Variants in ZNF558 observed in about 807,000 individuals in gnomAD.
ZNF558 encodes zinc finger protein 558.
ZNF558 carries 23 observed loss-of-function variants against 37.6 expected under a neutral mutation model. That is an observed-to-expected ratio of 0.61 (90% CI 0.44 to 0.87). The LOEUF is 0.87. ZNF558 is among the 40% of genes least tolerant of loss of function. The pLI is 0.00. For missense variants in ZNF558, 429 were observed against 483.7 expected (o/e 0.89, Z 1.06); for synonymous variants, 189 against 174.4 (o/e 1.08, Z -0.66).
rs2043737209 is a variant in ZNF558 at position 8,809,678 on chromosome 19, A to C, written c.*1603T>G. The C allele has an allele frequency of 6.6e-6, 1 of 152,254 alleles. No individual in the cohort carries two copies. Among genetic ancestry groups the C allele is most frequent in the Non-Finnish European group, 1.5e-5 (1 of 68,046 alleles). The allele number at this position is 152,254 out of a possible 1,614,324, so 9.4% of individuals were successfully genotyped here. On this transcript the variant is annotated 3_prime_UTR_variant, in exon 10 of 10. Coordinates refer to ENST00000601372, the MANE Select transcript of ZNF558 (RefSeq NM_144693.3). The stretch of plus-strand genomic sequence containing the variant: ...CAATGTGTGGATGTCTTTAACAAGC[A>C]AATTAATTATAATAAATACATTGCA...
intron 7 of ZNF558, among the ~76,000 whole-genome samples, chr19:8,816,064 AC>A (rs2043930788): frequency 6.6e-6 from 1 of 151,884 alleles, no homozygotes; most frequent in Admixed American, 6.6e-5. Flanking sequence ...AAACACACAC[AC>A]ACACACACAC....
intron 7 of ZNF558, among the ~76,000 whole-genome samples, chr19:8,815,823 G>T (rs1010726691): frequency 1.3e-5 from 2 of 151,598 alleles, no homozygotes; most frequent in African/African-American, 4.9e-5. Flanking sequence ...GAGAGAGAAT[G>T]TGAGTTTTAA....
chr19:8,831,058 G>A (rs2044340911), intron 2 of ZNF558: 1 of 152,152 alleles, frequency 6.6e-6, no homozygotes, highest in Non-Finnish European at 1.5e-5. Context: ...CAGAAAATCT[G>A]TCTTTAGCTA....
At chr19:8,835,201 A>G (rs886639846), upstream of ZNF558, among the ~76,000 whole-genome samples, 1 of 152,014 alleles carries the variant, frequency 6.6e-6, no homozygotes, top group African/African-American at 2.4e-5. Context: ...ACAGGCGTTC[A>G]CCACCACGCC....
At chr19:8,830,585 A>G (rs1813988931) in intron 2 of ZNF558, among the ~76,000 whole-genome samples, 1 of 152,168 alleles carries the variant, frequency 6.6e-6, no homozygotes, top group African/African-American at 2.4e-5. Flanking sequence ...TGGAGGGCCA[A>G]TATGCCTTTA....
intron 7 of ZNF558, among the ~76,000 whole-genome samples, chr19:8,815,834 A>G (rs759974872): frequency 9.9e-5 from 15 of 152,012 alleles, no homozygotes; most frequent in Admixed American, 7.2e-4. Context: ...TGAGTTTTAA[A>G]AAAGATGAAC....
chr19:8,819,187 A>T (rs1017332093), intron 7 of ZNF558, among the ~76,000 whole-genome samples: 25 of 152,030 alleles, frequency 1.6e-4, no homozygotes, highest in Admixed American at 3.9e-4. Context: ...CACAATTAAA[A>T]TTTTTTTTGT....
At chr19:8,833,878 C>T (rs2044420464), upstream of ZNF558, among the ~76,000 whole-genome samples, 1 of 152,046 alleles carries the variant, frequency 6.6e-6, no homozygotes, top group South Asian at 2.1e-4. Context: ...ATCCCAGGTA[C>T]TTGGGAGGCT....
At chr19:8,820,456 G>C (rs1414652981) in intron 7 of ZNF558, among the ~76,000 whole-genome samples, 2 of 152,120 alleles carry the variant, frequency 1.3e-5, no homozygotes, top group African/African-American at 2.4e-5. Context: ...ATGAAGCGCT[G>C]GTACAACATA....
At chr19:8,816,420 G>C (rs1296820155) in intron 7 of ZNF558, among the ~76,000 whole-genome samples, 1 of 152,016 alleles carries the variant, frequency 6.6e-6, no homozygotes, top group East Asian at 1.9e-4. Flanking sequence ...AAAACAGCAA[G>C]ACGGAGATGA....
intron 7 of ZNF558, among the ~76,000 whole-genome samples, chr19:8,819,227 T>G (rs1364714732): frequency 1.3e-5 from 2 of 152,212 alleles, no homozygotes; most frequent in Non-Finnish European, 2.9e-5. Context: ...TTCTGTCGCC[T>G]AGGCTGGAAT....
At chr19:8,815,521 G>A (rs2043913545) in intron 7 of ZNF558, among the ~76,000 whole-genome samples, 1 of 152,084 alleles carries the variant, frequency 6.6e-6, no homozygotes, top group South Asian at 2.1e-4. Flanking sequence ...AATGGCTCAT[G>A]TATAATCCCA....
At chr19:8,828,820 A>T in intron 2 of ZNF558, among the ~76,000 whole-genome samples, 1 of 152,174 alleles carries the variant, frequency 6.6e-6, no homozygotes, top group Non-Finnish European at 1.5e-5. Flanking sequence ...AAAATTTGCC[A>T]GGTGTGGTGG....
intron 9 of ZNF558, among the ~76,000 whole-genome samples, chr19:8,812,350 C>T (rs781963254): frequency 1.3e-5 from 2 of 152,190 alleles, no homozygotes; most frequent in East Asian, 1.9e-4. Flanking sequence ...GAAATATTTA[C>T]TTGTGGGAAC....
intron 2 of ZNF558, among the ~76,000 whole-genome samples, chr19:8,827,571 CTTTTTTTTTTTT>C (rs386388513): frequency 1.5e-4 from 14 of 94,110 alleles, no homozygotes; most frequent in Admixed American, 1.4e-3. Flanking sequence ...TTTCCCTATT[CTTTTTTTTTTTT>C]TTTTTTTTTT....
intron 7 of ZNF558, among the ~76,000 whole-genome samples, chr19:8,814,466 C>T (rs184909787): frequency 1.7e-4 from 26 of 152,222 alleles, no homozygotes; most frequent in Non-Finnish European, 2.8e-4. Flanking sequence ...AAAGACTAAC[C>T]GAAAAGCCTG....
chr19:8,827,976 T>A (rs1599293548), intron 2 of ZNF558, among the ~76,000 whole-genome samples: 2 of 152,176 alleles, frequency 1.3e-5, no homozygotes, highest in African/African-American at 4.8e-5. Context: ...CACAGCTTCT[T>A]CGACGGCAGT....
At chr19:8,812,371 G>T (rs1214843687) in intron 9 of ZNF558, among the ~76,000 whole-genome samples, 190 bp downstream of exon 9, 2 of 152,208 alleles carry the variant, frequency 1.3e-5, no homozygotes, top group Non-Finnish European at 2.9e-5. Flanking sequence ...TCTCCGTGAA[G>T]AAATAAGTTT....
At position 8,809,837 on chromosome 19, in the gene ZNF558, T is replaced by A. The variant is rs879977537; in HGVS notation, c.*1444A>T. On this transcript the variant is annotated 3_prime_UTR_variant, in exon 10 of 10. Transcript: ENST00000601372. ...ACAGATGAGACACTGATAAAGGATATCCCACACTCAAAACAGTGATTATAC... is the reference window on the plus strand; with the variant it reads ...ACAGATGAGACACTGATAAAGGATAACCCACACTCAAAACAGTGATTATAC... 1.3e-5 allele frequency: 2 copies of A among 152,138 alleles called. No individual in the cohort carries two copies. The highest frequency in any genetic ancestry group is 2.1e-4 in the South Asian group (1 of 4,834). 9.4% of individuals were successfully genotyped at this position (152,138 alleles called of 1,614,324 possible).
Sources: allele counts gnomAD v4.1 joint callset (sites outside exome capture counted in the v4.1 genomes callset), GRCh38; gene constraint gnomAD v4.1.1; transcripts MANE v1.5; gene names NCBI Gene and HGNC (gene_info 2026-07-23, HGNC 2026-07-21).